The following GPR141 variants were observed in gnomAD, a reference collection of about 807,000 sequenced individuals.
The protein encoded by GPR141 is G protein-coupled receptor 141.
A neutral mutation model predicts 6.8 loss-of-function variants in GPR141; 6 were observed. The ratio of observed to expected loss-of-function variants is 0.88; its 90% confidence interval spans 0.48 to 1.74. GPR141 has a LOEUF of 1.74. Among genes scored for constraint, GPR141 ranks in the 40% most tolerant of loss-of-function variants. The probability of loss-of-function intolerance (pLI) is 0.01; values close to 1 mark genes in which losing one functional copy is unlikely to be tolerated. For missense variants in GPR141, 372 were observed against 372.9 expected, an observed-to-expected ratio of 1.00 and a Z score of 0.02; for synonymous variants, 140 against 142.3, an observed-to-expected ratio of 0.98 and a Z score of 0.11.
chr7:37,688,248 T>C (rs1809600243), intron 2 of GPR141, among the ~76,000 whole-genome samples: 2 of 151,914 alleles, frequency 1.3e-5, no homozygotes, highest in South Asian at 2.1e-4. Context: ...CTGGCCAATA[T>C]GGTGAACCCC....
chr7:37,729,607 A>G (rs1811814498), intron 2 of GPR141, among the ~76,000 whole-genome samples: 1 of 152,200 alleles, frequency 6.6e-6, no homozygotes. Flanking sequence ...AGAGAATAAG[A>G]CAACAAAGGT....
Position 37,741,752 on chromosome 7 carries a change from C to A in GPR141, c.*441C>A, listed in dbSNP as rs1344901218. 6.6e-6 allele frequency among the ~76,000 whole-genome samples: 1 copy of A among 152,204 alleles called. No homozygotes were observed. The highest frequency in any genetic ancestry group is 1.5e-5 in the Non-Finnish European group (1 of 68,038). On this transcript the variant is annotated 3_prime_UTR_variant, in exon 3 of 3. Coordinates refer to ENST00000334425, the MANE Select transcript of GPR141 (RefSeq NM_001381946.1). Reference sequence around the variant, plus strand: ...CACCACCCAGCTCCAAAGACACAAACTCTCCTTCGCTAACCAGGTTAGATG... The same window carrying A: ...CACCACCCAGCTCCAAAGACACAAAATCTCCTTCGCTAACCAGGTTAGATG...
chr7:37,736,248 TA>T (rs975087991), intron 2 of GPR141, among the ~76,000 whole-genome samples: 14 of 146,564 alleles, frequency 9.6e-5, no homozygotes, highest in Admixed American at 4.1e-4. Context: ...CAAGACTCTT[TA>T]AAAAAAAAAG....
chr7:37,738,475 A>C (rs1377503381), intron 2 of GPR141, among the ~76,000 whole-genome samples: 1 of 152,188 alleles, frequency 6.6e-6, no homozygotes, highest in East Asian at 1.9e-4. Flanking sequence ...TTCTACAAGG[A>C]AAAATAAAAG....
intron 2 of GPR141, among the ~76,000 whole-genome samples, chr7:37,716,532 C>T (rs989803159): frequency 1.3e-5 from 2 of 151,750 alleles, no homozygotes; most frequent in African/African-American, 4.8e-5. Flanking sequence ...GAGGTAATGC[C>T]CAGGGTTTTA....
At chr7:37,719,406 T>G (rs1811207065) in intron 2 of GPR141, among the ~76,000 whole-genome samples, 1 of 152,222 alleles carries the variant, frequency 6.6e-6, no homozygotes, top group Non-Finnish European at 1.5e-5. Context: ...CTGATAATGC[T>G]TGGATATCTG....
chr7:37,701,593 A>G (rs1476287078), intron 2 of GPR141, among the ~76,000 whole-genome samples: 2 of 152,202 alleles, frequency 1.3e-5, no homozygotes, highest in Non-Finnish European at 2.9e-5. Context: ...CAAAATAATC[A>G]TTTGTTGTTT....
rs780929544 is a variant in GPR141 at position 37,740,880 on chromosome 7, G to A, written c.487G>A (p.Glu163Lys). ...GTATGGAATCCATGAGGAATACAAT[G>A]AGGAGCACTGTTTTAAATTTCACAA... ...SRYGIHEEYN[E>K]EHCFKFHKEL... The change falls in exon 3 of 3, where the codon GAG becomes AAG. Residue 163 changes from glutamate (E) to lysine (K), a missense_variant. Glu to Lys is a moderately conservative substitution (Grantham distance 56). Coordinates refer to ENST00000334425, the MANE Select transcript of GPR141 (RefSeq NM_001381946.1). 5 of 1,614,036 alleles carry A rather than the reference G, an allele frequency of 3.1e-6. No individual in the cohort carries two copies. The highest frequency in any genetic ancestry group is 4.2e-6 in the Non-Finnish European group (5 of 1,179,890).
intron 2 of GPR141, among the ~76,000 whole-genome samples, chr7:37,737,665 C>T (rs1812310509): frequency 6.6e-6 from 1 of 151,916 alleles, no homozygotes; most frequent in Admixed American, 6.6e-5. Flanking sequence ...CCAGTGTGGC[C>T]CAGGGAAGCC....
rs761658492 is a variant in GPR141 at position 37,741,077 on chromosome 7, A to AT, written c.690dup (p.Ile231TyrfsTer15). 1.9e-6 allele frequency: 3 copies of AT among 1,613,978 alleles called. No individual in the cohort carries two copies. The highest frequency in any genetic ancestry group is 1.1e-5 in the South Asian group (1 of 91,068). ...AGTTCTGGGCTCAGCTGAAAAACCT[A>AT]TTTTTTATAGGGGTCATCCTTGTTT... On this transcript the variant is annotated frameshift_variant, in exon 3 of 3. Transcript: ENST00000334425. LOFTEE classifies it high-confidence loss of function.
At chr7:37,730,219 G>A (rs1456286085) in intron 2 of GPR141, among the ~76,000 whole-genome samples, 1 of 151,500 alleles carries the variant, frequency 6.6e-6, no homozygotes, top group African/African-American at 2.4e-5. Flanking sequence ...TCTCTTTCAT[G>A]AATTCACTGA....
At chr7:37,694,061 A>G (rs1394686406) in intron 2 of GPR141, among the ~76,000 whole-genome samples, 2 of 152,184 alleles carry the variant, frequency 1.3e-5, no homozygotes, top group Non-Finnish European at 2.9e-5. Flanking sequence ...CAGTCAAGGC[A>G]CCATTTCCTG....
chr7:37,698,687 G>A (rs1810137651), intron 2 of GPR141, among the ~76,000 whole-genome samples: 2 of 152,122 alleles, frequency 1.3e-5, no homozygotes, highest in South Asian at 2.1e-4. Flanking sequence ...CAATGACCTT[G>A]TTTTTGTCTG....
At chr7:37,713,594 T>G (rs755584211) in intron 2 of GPR141, 11 of 152,236 alleles carry the variant, frequency 7.2e-5, no homozygotes, top group Non-Finnish European at 1.3e-4. Context: ...TCCTCATGCT[T>G]CCAAAGCTAT....
chr7:37,685,937 A>G (rs372050745), intron 2 of GPR141, among the ~76,000 whole-genome samples: 6 of 152,162 alleles, frequency 3.9e-5, no homozygotes, highest in African/African-American at 1.4e-4. Flanking sequence ...TTGTGCTAGC[A>G]CTATAAGAGA....
intron 2 of GPR141, among the ~76,000 whole-genome samples, chr7:37,722,225 A>G (rs1811361978): frequency 6.6e-6 from 1 of 152,210 alleles, no homozygotes. Flanking sequence ...TAGAAACATA[A>G]CATCATTGAA....
chr7:37,699,398 A>C (rs1239053729), intron 2 of GPR141, among the ~76,000 whole-genome samples: 1 of 152,162 alleles, frequency 6.6e-6, no homozygotes, highest in Non-Finnish European at 1.5e-5. Flanking sequence ...CATTTCTACT[A>C]AAAATACAAA....
chr7:37,731,417 G>A (rs1173675127), intron 2 of GPR141, among the ~76,000 whole-genome samples: 2 of 152,160 alleles, frequency 1.3e-5, no homozygotes, highest in African/African-American at 4.8e-5. Context: ...AAAATTTTAG[G>A]TCAACTAATT....
At chr7:37,686,296 A>T (rs1809510931) in intron 2 of GPR141, among the ~76,000 whole-genome samples, 1 of 152,014 alleles carries the variant, frequency 6.6e-6, no homozygotes, top group Non-Finnish European at 1.5e-5. Flanking sequence ...GAATATGTGC[A>T]AGTCTGTGCT....
Sources: allele counts gnomAD v4.1 joint callset (sites outside exome capture counted in the v4.1 genomes callset), GRCh38; gene constraint gnomAD v4.1.1; transcripts MANE v1.5; gene names NCBI Gene and HGNC (gene_info 2026-07-23, HGNC 2026-07-21).